IMPG2: variants seen among roughly 807,000 people sequenced by gnomAD.
IMPG2 encodes the protein IPM 200.
In IMPG2, 91 loss-of-function variants were observed where a neutral mutation model predicts 129.2. The observed-to-expected ratio is 0.70, with a 90% CI of 0.59 to 0.84. The LOEUF is 0.84. Ranked by LOEUF, IMPG2 falls within the 40% of genes least tolerant of loss-of-function variation. The pLI, the probability that IMPG2 is intolerant of heterozygous loss-of-function variation, is 0.00. For synonymous variants in IMPG2, 510 were observed against 517.7 expected (o/e 0.99, Z 0.20); for missense variants, 1,430 against 1,461.7 (o/e 0.98, Z 0.35).
chr3:101,244,459 G>A lies in IMPG2; in HGVS notation c.1872C>T (p.Ser624=), dbSNP rs200720833. 4.4e-5 allele frequency: 71 copies of A among 1,614,114 alleles called. No homozygotes were observed. Among genetic ancestry groups the A allele is most frequent in the South Asian group, 3.0e-4 (27 of 91,080 alleles). ...GCCACGGCTTGGACAGTGGTTCAGC[G>A]CTCTTCTCTGATGAAGTCTCACTCC... ...WPWSETSSEK[S]AEPLSKPWLE... The change falls in exon 13 of 19, where the codon AGC becomes AGT. Residue 624 remains serine, a synonymous_variant. Transcript: ENST00000193391.
chr3:101,236,001 T>C (rs1706341729), intron 14 of IMPG2, among the ~76,000 whole-genome samples: 1 of 152,206 alleles, frequency 6.6e-6, no homozygotes. Flanking sequence ...ACTAATATTT[T>C]TAAGCCATCT....
chr3:101,252,788 A>G (rs1706558282), intron 11 of IMPG2, among the ~76,000 whole-genome samples: 2 of 152,160 alleles, frequency 1.3e-5, no homozygotes, highest in Admixed American at 6.6e-5. Flanking sequence ...TAATGGTTAC[A>G]TGAATTAAGG....
chr3:101,292,090 G>T (rs1707024338), intron 3 of IMPG2, among the ~76,000 whole-genome samples: 1 of 152,184 alleles, frequency 6.6e-6, no homozygotes, highest in Non-Finnish European at 1.5e-5. Context: ...AGGAGACCCA[G>T]TTTCAAGTTC....
intron 14 of IMPG2, among the ~76,000 whole-genome samples, chr3:101,236,077 T>A: frequency 6.6e-6 from 1 of 152,218 alleles, no homozygotes; most frequent in Non-Finnish European, 1.5e-5. Flanking sequence ...TAGAATCAAC[T>A]GCCTTATGTT....
At chr3:101,299,577 G>A (rs942973674) in intron 3 of IMPG2, among the ~76,000 whole-genome samples, 1 of 151,810 alleles carries the variant, frequency 6.6e-6, no homozygotes, top group Non-Finnish European at 1.5e-5. Context: ...TTGAGTTTTT[G>A]TAGGGAATTT....
At chr3:101,257,379 A>G (rs1706622145) in intron 10 of IMPG2, 150 bp downstream of exon 10, 2 of 879,004 alleles carry the variant, frequency 2.3e-6, no homozygotes, top group Non-Finnish European at 3.6e-6. Context: ...AAATAGCTGC[A>G]TGGCTAAAAC....
chr3:101,297,278 TTC>T (rs1435584591), intron 3 of IMPG2, among the ~76,000 whole-genome samples: 6 of 152,168 alleles, frequency 3.9e-5, no homozygotes, highest in Non-Finnish European at 8.8e-5. Flanking sequence ...TATTTGAGTC[TTC>T]TCTCTTTTCT....
At chr3:101,267,314 A>G (rs1306133445) in intron 9 of IMPG2, among the ~76,000 whole-genome samples, 197 bp downstream of exon 9, 3 of 152,186 alleles carry the variant, frequency 2.0e-5, no homozygotes, top group African/African-American at 4.8e-5. Context: ...AACAGAGACT[A>G]TATGGCCTAC....
chr3:101,298,708 G>A (rs1171752453), intron 3 of IMPG2, among the ~76,000 whole-genome samples: 1 of 152,176 alleles, frequency 6.6e-6, no homozygotes, highest in Non-Finnish European at 1.5e-5. Context: ...TTTTATTTAA[G>A]AATGTTGAAT....
chr3:101,275,710 C>T lies in IMPG2; in HGVS notation c.619G>A (p.Ala207Thr), dbSNP rs779070990. ...CTGCTCTCTGAGGCACCTTCATAGG[C>T]GTCCACCTCTGGATGTGGAACACTG... Reference protein sequence around the residue: ...TLSVPHPEVDAYEGASESSLE... With the variant: ...TLSVPHPEVDTYEGASESSLE... The change falls in exon 6 of 19, where the codon GCC becomes ACC. Residue 207 changes from alanine (A) to threonine (T), a missense_variant. Coordinates refer to ENST00000193391, the MANE Select transcript of IMPG2 (RefSeq NM_016247.4). The T allele has an allele frequency of 2.3e-5, 37 of 1,613,796 alleles. No homozygotes were observed. The highest frequency in any genetic ancestry group is 1.7e-4 in the African/African-American group (13 of 74,914).
chr3:101,293,836 T>C (rs1277753406), intron 3 of IMPG2, among the ~76,000 whole-genome samples: 2 of 152,220 alleles, frequency 1.3e-5, no homozygotes, highest in Non-Finnish European at 2.9e-5. Context: ...CTTAACTACA[T>C]AAACCAACCT....
chr3:101,296,760 A>G (rs928636683), intron 3 of IMPG2, among the ~76,000 whole-genome samples: 10 of 151,962 alleles, frequency 6.6e-5, no homozygotes, highest in Admixed American at 2.0e-4. Flanking sequence ...TTATTGGTCT[A>G]TTCAGGGATT....
intron 7 of IMPG2, among the ~76,000 whole-genome samples, chr3:101,270,625 C>T (rs929283469): frequency 3.3e-5 from 5 of 151,868 alleles, no homozygotes; most frequent in African/African-American, 1.2e-4. Context: ...TGGTGAAACC[C>T]GTCTCTACTA....
In IMPG2 at chr3:101,240,419, T is replaced by C. The variant is rs546674616; in HGVS notation, c.3022+2269A>G. The stretch of plus-strand genomic sequence containing the variant: ...CAAGTGTGAGTCACAGCACCAGGCC[T>C]GTAATTCTGTTTAAAAATAAGTAGA... On this transcript the variant is annotated intron_variant, in intron 14 of 18. Coordinates refer to ENST00000193391, the MANE Select transcript of IMPG2 (RefSeq NM_016247.4). Among the ~76,000 whole-genome samples, 12 of 152,236 alleles carry C rather than the reference T, an allele frequency of 7.9e-5. No individual in the cohort carries two copies. The South Asian group carries it at 1.5e-3, about 18-fold the overall frequency.
chr3:101,232,080 A>G (rs745354144), intron 15 of IMPG2, among the ~76,000 whole-genome samples: 9 of 152,196 alleles, frequency 5.9e-5, no homozygotes, highest in Admixed American at 5.2e-4. Context: ...AAGTATAACA[A>G]TAAAACTCAT....
chr3:101,265,922 T>C (rs1423040499), intron 9 of IMPG2, among the ~76,000 whole-genome samples: 6 of 152,024 alleles, frequency 3.9e-5, no homozygotes, highest in Admixed American at 1.3e-4. Flanking sequence ...AAAGAAAACA[T>C]AGAAATGGCC....
intron 12 of IMPG2, 23 bp downstream of exon 12, chr3:101,245,779 G>A (rs767250910): frequency 3.2e-5 from 52 of 1,606,290 alleles, no homozygotes; most frequent in South Asian, 7.7e-5. Flanking sequence ...TAAGAAGTAC[G>A]AAAAGCAATT....
Position 101,316,455 on chromosome 3 carries a change from A to T in IMPG2, c.334+3129T>A, listed in dbSNP as rs149694874. Among the ~76,000 whole-genome samples, 878 of 152,050 alleles carry T rather than the reference A, an allele frequency of 5.8e-3. 15 individuals carry two copies. The highest frequency in any genetic ancestry group is 0.019 in the African/African-American group (809 of 41,494). On this transcript the variant is annotated intron_variant, in intron 2 of 18. Transcript: ENST00000193391. ...TTTAATGGGCAAAATATTCAAATAG[A>T]CTCCTCACTAAAAAAAGATATATAA...
chr3:101,262,959 C>T (rs1706685728), intron 9 of IMPG2, among the ~76,000 whole-genome samples: 1 of 151,646 alleles, frequency 6.6e-6, no homozygotes, highest in African/African-American at 2.4e-5. Context: ...CAAAGAAGGA[C>T]ATTGTATAAT....
Sources: gnomAD v4.1 joint callset for allele counts (sites outside exome capture counted in the v4.1 genomes callset) on GRCh38, gnomAD v4.1.1 for gene constraint, MANE v1.5 for transcripts, NCBI Gene and HGNC (gene_info 2026-07-23, HGNC 2026-07-21) for gene names.